Variants in MCM8 observed in about 807,000 individuals in gnomAD.
The protein encoded by MCM8 is minichromosome maintenance 8 homologous recombination repair factor.
A neutral mutation model predicts 98.9 loss-of-function variants in MCM8; 85 were observed. That is an observed-to-expected ratio of 0.86 (90% CI 0.72 to 1.03). The LOEUF is 1.03. Ranked by LOEUF, MCM8 falls within the 50% of genes least tolerant of loss-of-function variation. The probability of loss-of-function intolerance (pLI) is 0.00; values close to 1 mark genes in which losing one functional copy is unlikely to be tolerated. For synonymous variants in MCM8, 352 were observed against 338.6 expected, an observed-to-expected ratio of 1.04 and a Z score of -0.44; for missense variants, 951 against 997.8, an observed-to-expected ratio of 0.95 and a Z score of 0.63.
chr20:5,963,263 G>T lies in MCM8; in HGVS notation c.790-11G>T. The T allele has an allele frequency of 1.9e-6, 3 of 1,601,502 alleles. No homozygotes were observed. The highest frequency in any genetic ancestry group is 2.2e-5 in the East Asian group (1 of 44,762). On this transcript the variant is annotated splice_polypyrimidine_tract_variant and intron_variant, in intron 7 of 18. Coordinates refer to ENST00000610722, the MANE Select transcript of MCM8 (RefSeq NM_032485.6). ...CAAAATCTGAATGTGAATTACTTTTGTTTCATTCAGTGTCCTGTGCCTGTG... is the reference window on the plus strand; with the variant it reads ...CAAAATCTGAATGTGAATTACTTTTTTTTCATTCAGTGTCCTGTGCCTGTG...
chr20:5,988,521 G>A (rs75188104), intron 17 of MCM8, among the ~76,000 whole-genome samples: 3,581 of 151,394 alleles, frequency 0.024, 132 homozygotes, highest in African/African-American at 0.077. Flanking sequence ...TAGTTACCCC[G>A]TTCTTCCTGC....
intron 15 of MCM8, among the ~76,000 whole-genome samples, chr20:5,985,242 G>A (rs1052340887): frequency 4.6e-5 from 7 of 151,930 alleles, no homozygotes; most frequent in Non-Finnish European, 8.8e-5. Flanking sequence ...TCAAGAGATC[G>A]AGACCATCCT....
At chr20:5,983,284 T>G (rs1175489435) in intron 14 of MCM8, 119 bp downstream of exon 14, 1 of 881,858 alleles carries the variant, frequency 1.1e-6, no homozygotes, top group African/African-American at 1.7e-5. Flanking sequence ...AAGTTATAAA[T>G]GTCCAATAAA....
At chr20:5,993,365 C>T (rs770924341) in intron 17 of MCM8, 141 bp from the exon 18 acceptor site, 98 of 501,376 alleles carry the variant, frequency 2.0e-4, no homozygotes, top group Middle Eastern at 5.4e-4. Context: ...CAGAGTGGCC[C>T]CTCAATAAAC....
intron 7 of MCM8, among the ~76,000 whole-genome samples, chr20:5,959,641 A>T (rs530497806): frequency 6.7e-6 from 1 of 149,448 alleles, no homozygotes; most frequent in African/African-American, 2.5e-5. Context: ...TGCAGAGAAC[A>T]TTCTTGTACA....
chr20:5,978,147 C>T, intron 13 of MCM8, 130 bp downstream of exon 13: 1 of 974,354 alleles, frequency 1.0e-6, no homozygotes, highest in Non-Finnish European at 1.5e-6. Flanking sequence ...TAAGTTGACA[C>T]TGTCAGAAAT....
At position 5,985,947 on chromosome 20, in the gene MCM8, C is replaced by T. The variant is rs1379226214; in HGVS notation, c.1979C>T (p.Pro660Leu). Residue 660 changes from proline to leucine, a missense_variant, in exon 16 of 19, where the codon CCC (proline) becomes CTC (leucine). Pro to Leu is a moderately conservative substitution (Grantham distance 98). Transcript: ENST00000610722. ...LKVVPGETID[P>L]IPHQLLRKYI... ...GTGGTTCCTGGAGAAACAATAGATCCCATTCCCCACCAGCTATTGAGAAAG... is the reference window on the plus strand; with the variant it reads ...GTGGTTCCTGGAGAAACAATAGATCTCATTCCCCACCAGCTATTGAGAAAG... 9.3e-6 allele frequency: 15 copies of T among 1,614,026 alleles called. No homozygotes were observed. In the Admixed American group the frequency reaches 1.7e-4, roughly 18 times the overall value.
rs777827711 is a variant in MCM8 at position 5,973,036 on chromosome 20, G to T, written c.1255-20G>T. ...TATGTTTTCCTTACTTCTGTTTTTT[G>T]TTCTTTTTTCGCACTTGAGCTTGTT... is the stretch of plus-strand genomic sequence containing the variant. On this transcript the variant is annotated intron_variant, in intron 11 of 18. Transcript: ENST00000610722. 6.2e-7 allele frequency: 1 copy of T among 1,609,514 alleles called. No individual in the cohort carries two copies. The highest frequency in any genetic ancestry group is 1.7e-5 in the Admixed American group (1 of 59,402).
chr20:5,967,891 T>C lies in MCM8; in HGVS notation c.1089T>C (p.Ser363=). ...TGTATATTGAAGCAAATTCTATTAGTAATAGCAAAGGACAGAAAACAAAGA... is the reference window on the plus strand; with the variant it reads ...TGTATATTGAAGCAAATTCTATTAGCAATAGCAAAGGACAGAAAACAAAGA... ...FLLYIEANSI[S]NSKGQKTKSS... Residue 363 remains serine (S), a synonymous_variant, in exon 10 of 19, where the codon AGT becomes AGC. Coordinates refer to ENST00000610722, the MANE Select transcript of MCM8 (RefSeq NM_032485.6). The C allele has an allele frequency of 6.2e-7, 1 of 1,613,808 alleles. No homozygotes were observed. Among genetic ancestry groups the C allele is most frequent in the Non-Finnish European group, 8.5e-7 (1 of 1,179,808 alleles).
chr20:5,974,063 A>G (rs1028978883), intron 12 of MCM8, among the ~76,000 whole-genome samples: 3 of 152,186 alleles, frequency 2.0e-5, no homozygotes, highest in African/African-American at 7.2e-5. Flanking sequence ...TGATGGCTTT[A>G]GAAGGTGCTG....
chr20:5,951,985 A>G lies in MCM8; in HGVS notation c.-5-26A>G, dbSNP rs1333528953. ...ACTATTTTCCTTACAGTTTTGGTGA[A>G]GACCTTTTTAATATCTATCTTTTAG... is the stretch of plus-strand genomic sequence containing the variant. On this transcript the variant is annotated intron_variant, in intron 1 of 18. Transcript: ENST00000610722. 3 of 1,589,442 alleles carry G rather than the reference A, an allele frequency of 1.9e-6. No homozygotes were observed. In the South Asian group the frequency reaches 3.4e-5, roughly 18 times the overall value.
At position 5,983,189 on chromosome 20, in the gene MCM8, C is replaced by T. The variant is rs765791840; in HGVS notation, c.1733+24C>T. On this transcript the variant is annotated intron_variant, in intron 14 of 18. Coordinates refer to ENST00000610722, the MANE Select transcript of MCM8 (RefSeq NM_032485.6). ...AAGTAAGTCTCTTCAAATATTTATA[C>T]CTTTAATGTATTGAATCACTTTAAT... 2.6e-6 allele frequency: 4 copies of T among 1,562,906 alleles called. No individual in the cohort carries two copies. In the Admixed American group the frequency reaches 5.3e-5, roughly 21 times the overall value.
chr20:5,993,658 A>G lies in MCM8; in HGVS notation c.2393A>G (p.His798Arg), dbSNP rs1200786760. 6.2e-7 allele frequency: 1 copy of G among 1,608,170 alleles called. No individual in the cohort carries two copies. Among genetic ancestry groups the G allele is most frequent in the East Asian group, 2.2e-5 (1 of 44,844 alleles). The change falls in exon 18 of 19, where the codon CAT becomes CGT. Residue 798 changes from histidine (H) to arginine (R), a missense_variant. Transcript: ENST00000610722. ...ERTYNNIFQF[H>R]QLRQIAKELN... Reference sequence around the variant, plus strand: ...ACTTATAATAATATATTTCAATTTCATCAACTTCGGCAGATTGCCAAAGAA... The same window carrying G: ...ACTTATAATAATATATTTCAATTTCGTCAACTTCGGCAGATTGCCAAAGAA...
chr20:5,954,998 A>G (rs1171386561), intron 4 of MCM8, 104 bp from the exon 5 acceptor site: 1 of 792,914 alleles, frequency 1.3e-6, no homozygotes, highest in Non-Finnish European at 2.0e-6. Context: ...CCATTATCAC[A>G]TATAAACATT....
Position 5,987,343 on chromosome 20 carries a change from A to C in MCM8, c.2225A>C (p.Glu742Ala). The C allele has an allele frequency of 6.2e-7, 1 of 1,611,958 alleles. No individual in the cohort carries two copies. Among genetic ancestry groups the C allele is most frequent in the East Asian group, 2.2e-5 (1 of 44,824 alleles). Residue 742 changes from glutamate to alanine, a missense_variant, in exon 17 of 19, where the codon GAA (glutamate) becomes GCA (alanine). By Grantham distance (107) the Glu-to-Ala change is moderately radical (BLOSUM62 -1). Transcript: ENST00000610722. ...ATKEDAEDIV[E>A]IMKYSMLGTY... ...AAAGAAGACGCTGAGGATATAGTGGAAATTATGAAATATAGGTAAGATAAA... is the reference window on the plus strand; with the variant it reads ...AAAGAAGACGCTGAGGATATAGTGGCAATTATGAAATATAGGTAAGATAAA...
chr20:5,973,534 A>T (rs1415290159), intron 12 of MCM8, among the ~76,000 whole-genome samples: 22 of 152,248 alleles, frequency 1.4e-4, no homozygotes, highest in Admixed American at 1.4e-3. Context: ...CAGGGGAGTT[A>T]AAGCAGGGTC....
At chr20:5,961,649 T>C (rs1299697878) in intron 7 of MCM8, among the ~76,000 whole-genome samples, 1 of 152,204 alleles carries the variant, frequency 6.6e-6, no homozygotes, top group Admixed American at 6.5e-5. Context: ...TTTTCTTCCT[T>C]TTATTTTGAA....
At chr20:5,974,997 G>A (rs10084485) in intron 12 of MCM8, among the ~76,000 whole-genome samples, 6,985 of 152,192 alleles carry the variant, frequency 0.046, 257 homozygotes, top group African/African-American at 0.1. Context: ...AGTGGCTTAC[G>A]CCTGTAATCC....
At chr20:5,959,855 T>C (rs1356870625) in intron 7 of MCM8, among the ~76,000 whole-genome samples, 1 of 152,114 alleles carries the variant, frequency 6.6e-6, no homozygotes, top group East Asian at 1.9e-4. Context: ...CGCGCCACCA[T>C]GCCTGGCTAA....
Sources: gnomAD v4.1 joint callset for allele counts (sites outside exome capture counted in the v4.1 genomes callset) on GRCh38, gnomAD v4.1.1 for gene constraint, MANE v1.5 for transcripts, NCBI Gene and HGNC (gene_info 2026-07-23, HGNC 2026-07-21) for gene names.